The following ZZEF1 variants were observed in gnomAD, a reference collection of about 807,000 sequenced individuals.
ZZEF1 encodes zinc finger ZZ-type and EF-hand domain containing 1, also known as zinc finger ZZ-type and EF-hand domain-containing protein 1.
A neutral mutation model predicts 342.8 loss-of-function variants in ZZEF1; 157 were observed. That is an observed-to-expected ratio of 0.46 (90% CI 0.40 to 0.52). ZZEF1 has a LOEUF of 0.52. Ranked by LOEUF, ZZEF1 falls within the 20% of genes least tolerant of loss-of-function variation. The pLI is 0.00. For missense variants in ZZEF1, 3,480 were observed against 3,725.6 expected (o/e 0.93, Z 1.72); for synonymous variants, 1,505 against 1,429.1 (o/e 1.05, Z -1.20).
In ZZEF1 at chr17:4,070,896, C is replaced by T. The variant is rs759985716; in HGVS notation, c.3863G>A (p.Arg1288His). Residue 1288 changes from arginine to histidine, a missense_variant, in exon 26 of 55, where the codon CGC becomes CAC. Arg to His is a conservative substitution (Grantham distance 29). This residue lies in a region of ZZEF1 where 1,528 missense variants were observed against 1,624.1 expected (regional missense o/e 0.94). Transcript: ENST00000381638. ...CTGGGCAAAATCAAGAAGAAAATGG[C>T]GGCAGGGGTCGTCAGGAATGTTCTT... ...EVKNIPDDPC[R>H]HFLLDFAQSE... 7.9e-5 allele frequency: 127 copies of T among 1,613,752 alleles called. 2 individuals carry two copies. In the Middle Eastern group the frequency reaches 7.9e-3, roughly 100 times the overall value.
At chr17:4,033,742 C>T in intron 40 of ZZEF1, 1 of 486,828 alleles carries the variant, frequency 2.1e-6, no homozygotes, top group Non-Finnish European at 3.7e-6. Flanking sequence ...AAGGCCCACA[C>T]TTACCGCTCA....
In ZZEF1 at chr17:4,123,955, C is replaced by T; in HGVS notation, c.451G>A (p.Glu151Lys). 6.2e-7 allele frequency: 1 copy of T among 1,613,952 alleles called. No homozygotes were observed. The highest frequency in any genetic ancestry group is 8.5e-7 in the Non-Finnish European group (1 of 1,179,998). ...AGTTGTCTGATGATGTGGCTCAGCT[C>T]CCCCTGAAGATTAGCTCCACTGGAA... is the stretch of plus-strand genomic sequence containing the variant. Reference protein sequence around the residue: ...KNSSGANLQGELSHIIRQLQA... With the variant: ...KNSSGANLQGKLSHIIRQLQA... The change falls in exon 2 of 55, where the codon GAG becomes AAG. Residue 151 changes from glutamate to lysine, a missense_variant. Glu to Lys is a moderately conservative substitution (Grantham distance 56). Around this residue, in one of 5 missense-constraint regions of ZZEF1, gnomAD observed 416 missense variants for 374.2 expected, o/e 1.11. Coordinates refer to ENST00000381638, the MANE Select transcript of ZZEF1 (RefSeq NM_015113.4).
chr17:4,067,589 A>C (rs2057425618), intron 26 of ZZEF1, among the ~76,000 whole-genome samples: 1 of 152,240 alleles, frequency 6.6e-6, no homozygotes, highest in Non-Finnish European at 1.5e-5. Flanking sequence ...AAGAAAGTTC[A>C]TGGTATATTA....
At chr17:4,050,682 T>C in intron 36 of ZZEF1, 99 bp downstream of exon 36, 23 of 1,552,702 alleles carry the variant, frequency 1.5e-5, no homozygotes, top group Middle Eastern at 1.7e-4. Flanking sequence ...AAAGTGGATG[T>C]TGCCACCTGT....
chr17:4,009,460 G>T, intron 53 of ZZEF1, 144 bp downstream of exon 53: 1 of 1,147,046 alleles, frequency 8.7e-7, no homozygotes, highest in Non-Finnish European at 1.3e-6. Flanking sequence ...GAGAGCCTCA[G>T]ACTCTCAGCC....
chr17:4,132,628 C>G (rs902461650), intron 1 of ZZEF1, among the ~76,000 whole-genome samples: 4 of 151,438 alleles, frequency 2.6e-5, no homozygotes, highest in Non-Finnish European at 4.4e-5. Flanking sequence ...GTCGGGAGAT[C>G]GAGACCATCC....
At chr17:4,030,743 GCTCTTTTATAGAAACTGATAGAAA>G (rs1404643822) in intron 42 of ZZEF1, among the ~76,000 whole-genome samples, 4 of 152,166 alleles carry the variant, frequency 2.6e-5, no homozygotes, top group Non-Finnish European at 5.9e-5. Context: ...GCTCCTGCAG[GCTCTTTTATAGAAACTGATAGAAA>G]CTCTTTTATA....
chr17:4,109,863 T>A lies in ZZEF1; in HGVS notation c.1067A>T (p.Tyr356Phe). The A allele has an allele frequency of 6.2e-7, 1 of 1,614,136 alleles. No individual in the cohort carries two copies. The change falls in exon 6 of 55, where the codon TAT (tyrosine) becomes TTT (phenylalanine). Residue 356 changes from tyrosine (Y) to phenylalanine (F), a missense_variant and splice_region_variant. By Grantham distance (22) the Tyr-to-Phe change is conservative. This residue lies in a region of ZZEF1 where 92 missense variants were observed against 130.3 expected (regional missense o/e 0.71). Transcript: ENST00000381638. ...LLENANVSQL[Y>F]VQINIKRCLS... ...ACAACGCTTTATGTTAATCTGGACA[T>A]CTGTCGAGCACAAACAAAAAATTCA...
intron 3 of ZZEF1, 152 bp downstream of exon 3, chr17:4,116,820 G>C: frequency 3.8e-6 from 3 of 794,346 alleles, no homozygotes; most frequent in Admixed American, 2.8e-5. Context: ...AGAAGAAAGG[G>C]AATGAGGAGA....
intron 18 of ZZEF1, among the ~76,000 whole-genome samples, chr17:4,080,070 G>T (rs563268500): frequency 6.6e-6 from 1 of 152,098 alleles, no homozygotes; most frequent in African/African-American, 2.4e-5. Flanking sequence ...ATCTCTCGGG[G>T]TGCTTAGAAA....
chr17:4,051,460 G>T (rs1168919072), intron 35 of ZZEF1, among the ~76,000 whole-genome samples: 1 of 151,960 alleles, frequency 6.6e-6, no homozygotes, highest in African/African-American at 2.4e-5. Flanking sequence ...TCGTTCTGTC[G>T]CTCAGGCTGG....
intron 4 of ZZEF1, 22 bp downstream of exon 4, chr17:4,114,277 A>G (rs2058359336): frequency 1.3e-6 from 2 of 1,490,336 alleles, no homozygotes; most frequent in Non-Finnish European, 1.8e-6. Flanking sequence ...TAAAAAACAA[A>G]AAAGTATTAT....
chr17:4,141,308 A>G (rs1261306827), intron 1 of ZZEF1, among the ~76,000 whole-genome samples: 1 of 152,240 alleles, frequency 6.6e-6, no homozygotes, highest in Admixed American at 6.5e-5. Flanking sequence ...ACAGGAAGAC[A>G]TTCTTAAAAT....
At chr17:4,061,649 C>G (rs1016204562) in intron 30 of ZZEF1, among the ~76,000 whole-genome samples, 2 of 152,138 alleles carry the variant, frequency 1.3e-5, no homozygotes, top group Non-Finnish European at 2.9e-5. Flanking sequence ...CATACTCTTT[C>G]CCTCACTAAA....
chr17:4,106,300 T>C (rs1160630789), intron 6 of ZZEF1, among the ~76,000 whole-genome samples: 1 of 152,164 alleles, frequency 6.6e-6, no homozygotes, highest in Non-Finnish European at 1.5e-5. Context: ...AATAGGGTTT[T>C]GTGTTTGTTT....
intron 42 of ZZEF1, among the ~76,000 whole-genome samples, chr17:4,031,551 C>T (rs1366343256): frequency 1.3e-5 from 2 of 152,056 alleles, no homozygotes; most frequent in African/African-American, 4.8e-5. Context: ...AGATCTTAGA[C>T]ATTTACATAC....
chr17:4,111,877 G>A (rs1444430417), intron 5 of ZZEF1, among the ~76,000 whole-genome samples: 1 of 145,430 alleles, frequency 6.9e-6, no homozygotes, highest in African/African-American at 2.5e-5. Flanking sequence ...CTACAAAAAA[G>A]TGTAAAGAAA....
At chr17:4,044,618 A>C (rs2056872695) in intron 37 of ZZEF1, among the ~76,000 whole-genome samples, 2 of 152,042 alleles carry the variant, frequency 1.3e-5, no homozygotes, top group Admixed American at 1.3e-4. Flanking sequence ...TCCCAGGTTC[A>C]AGCGATCCTC....
chr17:4,070,960 A>T, intron 25 of ZZEF1, 36 bp from the exon 26 acceptor site: 2 of 1,588,986 alleles, frequency 1.3e-6, no homozygotes, highest in Middle Eastern at 1.7e-4. Context: ...CATTTAACAC[A>T]TTCATTCAAA....
Sources: allele counts gnomAD v4.1 joint callset (sites outside exome capture counted in the v4.1 genomes callset), GRCh38; gene constraint gnomAD v4.1.1; regional missense constraint gnomAD v4.1.1; transcripts MANE v1.5; gene names NCBI Gene and HGNC (gene_info 2026-07-23, HGNC 2026-07-21).